The following RSRC1 variants were observed in gnomAD, a reference collection of about 807,000 sequenced individuals.
RSRC1 encodes the protein arginine and serine rich coiled-coil 1.
RSRC1 carries 39 observed loss-of-function variants against 49.1 expected under a neutral mutation model. That is an observed-to-expected ratio of 0.79 (90% CI 0.61 to 1.04). The LOEUF (loss-of-function observed/expected upper bound fraction) is 1.04, where lower values mean the gene tolerates loss of function less well. Among genes scored for constraint, RSRC1 ranks in the 50% least tolerant of loss-of-function variants. The pLI is 0.00. For missense variants in RSRC1, 388 were observed against 402.4 expected, an observed-to-expected ratio of 0.96 and a Z score of 0.31; for synonymous variants, 143 against 130.8, an observed-to-expected ratio of 1.09 and a Z score of -0.63.
intron 4 of RSRC1, among the ~76,000 whole-genome samples, chr3:158,235,217 A>AT (rs916992492): frequency 3.8e-4 from 58 of 152,108 alleles, no homozygotes; most frequent in African/African-American, 1.3e-3. Flanking sequence ...TTTAAAAATG[A>AT]TTTTTTACAT....
At chr3:158,235,646 ATATAATTTTTCTCCTT>A (rs1468899030) in intron 4 of RSRC1, among the ~76,000 whole-genome samples, 3 of 115,232 alleles carry the variant, frequency 2.6e-5, no homozygotes, top group Non-Finnish European at 3.6e-5. Flanking sequence ...AAATGTTTAC[ATATAATTTTTCTCCTT>A]CAGTGAATGT....
At chr3:158,246,875 G>A (rs1250384552) in intron 4 of RSRC1, among the ~76,000 whole-genome samples, 1 of 152,058 alleles carries the variant, frequency 6.6e-6, no homozygotes, top group Non-Finnish European at 1.5e-5. Context: ...ATCTTCTCAT[G>A]GAGAAGTTCT....
intron 6 of RSRC1, among the ~76,000 whole-genome samples, chr3:158,398,775 A>G (rs1280720492): frequency 3.3e-5 from 5 of 152,112 alleles, no homozygotes; most frequent in Non-Finnish European, 7.4e-5. Flanking sequence ...GTTTGAGATC[A>G]TATGTAACTT....
intron 5 of RSRC1, among the ~76,000 whole-genome samples, chr3:158,348,013 T>A (rs1461763894): frequency 6.6e-6 from 1 of 152,220 alleles, no homozygotes; most frequent in Non-Finnish European, 1.5e-5. Context: ...CTCAAGCATT[T>A]ATCCTCTGTG....
intron 3 of RSRC1, among the ~76,000 whole-genome samples, chr3:158,150,820 A>G (rs1421166346): frequency 2.0e-5 from 3 of 152,138 alleles, no homozygotes; most frequent in Non-Finnish European, 4.4e-5. Context: ...GAACAGATCT[A>G]TATCTAATTT....
chr3:158,222,332 AT>A (rs1722268513), intron 4 of RSRC1, among the ~76,000 whole-genome samples: 1 of 151,544 alleles, frequency 6.6e-6, no homozygotes, highest in African/African-American at 2.4e-5. Context: ...CAAGCAACAT[AT>A]TGTATAACAT....
At chr3:158,452,301 A>T (rs957718407) in intron 6 of RSRC1, among the ~76,000 whole-genome samples, 1 of 152,184 alleles carries the variant, frequency 6.6e-6, no homozygotes, top group African/African-American at 2.4e-5. Context: ...TTATGTAGAT[A>T]AAATATTCAT....
At chr3:158,340,524 G>A (rs1051643874) in intron 5 of RSRC1, among the ~76,000 whole-genome samples, 1 of 152,114 alleles carries the variant, frequency 6.6e-6, no homozygotes, top group Admixed American at 6.5e-5. Context: ...CTGGGCGACA[G>A]AGCAAGAGTC....
At chr3:158,434,326 A>G (rs184265369) in intron 6 of RSRC1, among the ~76,000 whole-genome samples, 138 of 152,008 alleles carry the variant, frequency 9.1e-4, no homozygotes, top group African/African-American at 3.2e-3. Context: ...CTAATTCTTT[A>G]TTTACAGTGT....
chr3:158,307,915 G>T (rs542485861), intron 5 of RSRC1, among the ~76,000 whole-genome samples: 31 of 151,732 alleles, frequency 2.0e-4, no homozygotes, highest in South Asian at 1.5e-3. Flanking sequence ...AGTAAATAAG[G>T]GTTTTGATTA....
intron 3 of RSRC1, among the ~76,000 whole-genome samples, chr3:158,171,765 A>G (rs1718894316): frequency 6.6e-6 from 1 of 152,010 alleles, no homozygotes; most frequent in Non-Finnish European, 1.5e-5. Context: ...GGCTGAACCA[A>G]ATAGACAGAT....
chr3:158,340,378 T>G (rs1730162400), intron 5 of RSRC1, among the ~76,000 whole-genome samples: 1 of 151,926 alleles, frequency 6.6e-6, no homozygotes, highest in Non-Finnish European at 1.5e-5. Context: ...CTGGCTCTAC[T>G]AAAAATACAA....
intron 6 of RSRC1, among the ~76,000 whole-genome samples, chr3:158,393,422 G>A (rs1733432510): frequency 6.6e-6 from 1 of 151,680 alleles, no homozygotes; most frequent in South Asian, 2.1e-4. Flanking sequence ...TTGATAGGCT[G>A]CTAGCTAGAC....
At chr3:158,516,380 C>T (rs1426852348) in intron 7 of RSRC1, among the ~76,000 whole-genome samples, 1 of 152,050 alleles carries the variant, frequency 6.6e-6, no homozygotes, top group African/African-American at 2.4e-5. Flanking sequence ...TGTGCCCCTG[C>T]TGGGGGGTGC....
chr3:158,443,577 G>A (rs983140833), intron 6 of RSRC1, among the ~76,000 whole-genome samples: 3 of 152,162 alleles, frequency 2.0e-5, no homozygotes, highest in Non-Finnish European at 4.4e-5. Flanking sequence ...GGTATGGCTG[G>A]TTTAATTTTC....
At chr3:158,285,931 T>A (rs1726522386) in intron 4 of RSRC1, among the ~76,000 whole-genome samples, 1 of 152,218 alleles carries the variant, frequency 6.6e-6, no homozygotes, top group African/African-American at 2.4e-5. Context: ...AACACTATGT[T>A]GAATAGGAGT....
chr3:158,298,285 G>T (rs540810928), intron 5 of RSRC1, among the ~76,000 whole-genome samples: 43 of 151,700 alleles, frequency 2.8e-4, no homozygotes, highest in African/African-American at 9.7e-4. Flanking sequence ...ACTTTTTTTT[G>T]ATGTAGAGAT....
At chr3:158,358,060 C>T (rs1176636238) in intron 6 of RSRC1, among the ~76,000 whole-genome samples, 2 of 152,006 alleles carry the variant, frequency 1.3e-5, no homozygotes, top group East Asian at 1.9e-4. Flanking sequence ...GAATATTTAG[C>T]CACGATTTTT....
At chr3:158,318,076 C>A (rs1024517992) in intron 5 of RSRC1, among the ~76,000 whole-genome samples, 1 of 151,914 alleles carries the variant, frequency 6.6e-6, no homozygotes, top group South Asian at 2.1e-4. Flanking sequence ...TAAAATAGCT[C>A]ATCAGCTATT....
Sources: gnomAD v4.1 joint callset for allele counts (sites outside exome capture counted in the v4.1 genomes callset) on GRCh38, gnomAD v4.1.1 for gene constraint, MANE v1.5 for transcripts, NCBI Gene and HGNC (gene_info 2026-07-23, HGNC 2026-07-21) for gene names.